The following SORCS1 variants were observed in gnomAD, a reference collection of about 807,000 sequenced individuals.
SORCS1 encodes the protein sortilin related VPS10 domain containing receptor 1, also known as VPS10 domain-containing receptor SorCS1.
SORCS1 carries 60 observed loss-of-function variants against 146.1 expected under a neutral mutation model. The observed-to-expected ratio is 0.41, with a 90% CI of 0.33 to 0.51. The LOEUF (loss-of-function observed/expected upper bound fraction) is 0.51. Among genes scored for constraint, SORCS1 ranks in the 20% least tolerant of loss-of-function variants. The pLI, the probability that SORCS1 is intolerant of heterozygous loss-of-function variation, is 0.21. For missense variants in SORCS1, 1,352 were observed against 1,487.6 expected (o/e 0.91, Z 1.50); for synonymous variants, 637 against 584.0 (o/e 1.09, Z -1.31).
At chr10:107,149,341 G>A (rs886224221) in intron 1 of SORCS1, among the ~76,000 whole-genome samples, 1 of 152,144 alleles carries the variant, frequency 6.6e-6, no homozygotes, top group Admixed American at 6.5e-5. Context: ...GGATAACACT[G>A]GAGTGGAATA....
intron 17 of SORCS1, among the ~76,000 whole-genome samples, chr10:106,666,195 A>G (rs1358518535): frequency 6.6e-6 from 1 of 152,210 alleles, no homozygotes; most frequent in African/African-American, 2.4e-5. Flanking sequence ...TGAGTAAAGC[A>G]GATTGACTTC....
intron 1 of SORCS1, among the ~76,000 whole-genome samples, chr10:107,036,391 T>C (rs1958906352): frequency 6.6e-6 from 1 of 152,154 alleles, no homozygotes; most frequent in Non-Finnish European, 1.5e-5. Context: ...GGAACCAATC[T>C]CTCATGGATA....
intron 6 of SORCS1, among the ~76,000 whole-genome samples, chr10:106,725,365 C>T (rs1396854785): frequency 6.6e-6 from 1 of 151,722 alleles, no homozygotes; most frequent in African/African-American, 2.4e-5. Flanking sequence ...GCTCGGCCAA[C>T]ATAGTGAAAC....
At chr10:107,155,567 C>T (rs1206204109) in intron 1 of SORCS1, among the ~76,000 whole-genome samples, 2 of 152,196 alleles carry the variant, frequency 1.3e-5, no homozygotes, top group African/African-American at 2.4e-5. Context: ...AATTTCTAAA[C>T]CAGGGTGCTG....
chr10:107,067,350 G>A (rs1961975810), intron 1 of SORCS1, among the ~76,000 whole-genome samples: 1 of 151,110 alleles, frequency 6.6e-6, no homozygotes, highest in Non-Finnish European at 1.5e-5. Flanking sequence ...CACTTATCTG[G>A]GTAACCATCT....
intron 1 of SORCS1, among the ~76,000 whole-genome samples, chr10:106,973,670 T>C (rs979209815): frequency 6.6e-6 from 1 of 152,328 alleles, no homozygotes; most frequent in East Asian, 1.9e-4. Context: ...TAGGTTTCCT[T>C]CCATTTTTTT....
At chr10:106,602,764 T>A (rs1254913725) in intron 23 of SORCS1, among the ~76,000 whole-genome samples, 1 of 152,226 alleles carries the variant, frequency 6.6e-6, no homozygotes, top group Non-Finnish European at 1.5e-5. Flanking sequence ...GTGACCTTCC[T>A]TGTAAACTCC....
chr10:106,944,509 G>T (rs1323786585), intron 2 of SORCS1, among the ~76,000 whole-genome samples: 4 of 152,088 alleles, frequency 2.6e-5, no homozygotes, highest in Non-Finnish European at 4.4e-5. Flanking sequence ...CTTCTACTAT[G>T]GCACTTGACA....
chr10:106,696,601 A>G (rs821956), intron 9 of SORCS1, among the ~76,000 whole-genome samples: 121,791 of 152,120 alleles, frequency 0.8, 51,296 homozygotes, highest in Non-Finnish European at 0.94. Flanking sequence ...AAGAGCCAGC[A>G]GTTTCCCTAC....
At chr10:106,898,422 A>G (rs1184709097) in intron 2 of SORCS1, among the ~76,000 whole-genome samples, 2 of 152,232 alleles carry the variant, frequency 1.3e-5, no homozygotes, top group African/African-American at 4.8e-5. Context: ...TTACAGGTAC[A>G]TTAGGAACCA....
intron 2 of SORCS1, among the ~76,000 whole-genome samples, chr10:106,942,375 T>C (rs1177082599): frequency 6.6e-6 from 1 of 152,178 alleles, no homozygotes; most frequent in Non-Finnish European, 1.5e-5. Context: ...CCCAACCTCT[T>C]GTCCTTCCTC....
intron 5 of SORCS1, among the ~76,000 whole-genome samples, chr10:106,730,981 A>G (rs907226968): frequency 5.9e-5 from 9 of 152,040 alleles, no homozygotes; most frequent in Non-Finnish European, 1.0e-4. Flanking sequence ...CAGCCCAGCC[A>G]CTCAATCAAG....
At chr10:107,113,960 C>T (rs1024714194) in intron 1 of SORCS1, among the ~76,000 whole-genome samples, 58 of 151,730 alleles carry the variant, frequency 3.8e-4, no homozygotes, top group Non-Finnish European at 5.9e-4. Flanking sequence ...ATTATAAAAG[C>T]GACCCAAAAC....
At chr10:107,050,203 T>G (rs1959976833) in intron 1 of SORCS1, among the ~76,000 whole-genome samples, 1 of 152,298 alleles carries the variant, frequency 6.6e-6, no homozygotes, top group African/African-American at 2.4e-5. Flanking sequence ...CGGATTCAGT[T>G]TAATAGCTGA....
At chr10:106,654,637 G>C (rs1389411214) in intron 17 of SORCS1, among the ~76,000 whole-genome samples, 2 of 152,018 alleles carry the variant, frequency 1.3e-5, no homozygotes, top group African/African-American at 4.8e-5. Flanking sequence ...CATAATAATT[G>C]GTTATTACCA....
At chr10:106,669,851 T>C (rs1024634750) in intron 16 of SORCS1, among the ~76,000 whole-genome samples, 2 of 152,216 alleles carry the variant, frequency 1.3e-5, no homozygotes, top group African/African-American at 4.8e-5. Flanking sequence ...CTGCCACTCT[T>C]GTCAGACCTT....
chr10:106,622,701 C>T (rs1011160883), intron 19 of SORCS1, among the ~76,000 whole-genome samples: 4 of 152,148 alleles, frequency 2.6e-5, no homozygotes, highest in Admixed American at 6.6e-5. Flanking sequence ...AAATGTTCTG[C>T]TAACGACTCT....
At chr10:107,011,499 G>A (rs1957694917) in intron 1 of SORCS1, among the ~76,000 whole-genome samples, 1 of 152,194 alleles carries the variant, frequency 6.6e-6, no homozygotes, top group Non-Finnish European at 1.5e-5. Flanking sequence ...TGCCCTGCAA[G>A]CTACCCAATG....
chr10:106,632,456 G>T (rs1384982740), intron 18 of SORCS1, among the ~76,000 whole-genome samples: 1 of 152,140 alleles, frequency 6.6e-6, no homozygotes, highest in Non-Finnish European at 1.5e-5. Flanking sequence ...CTGGAAGCAA[G>T]GATGTCAGCC....
Sources: allele counts gnomAD v4.1 joint callset (sites outside exome capture counted in the v4.1 genomes callset), GRCh38; gene constraint gnomAD v4.1.1; transcripts MANE v1.5; gene names NCBI Gene and HGNC (gene_info 2026-07-23, HGNC 2026-07-21).